Variants in CDH4 observed in about 807,000 individuals in gnomAD.
CDH4 encodes the protein cadherin-4.
Under a neutral mutation model 86.0 loss-of-function variants are expected in CDH4, and 33 were observed. That is an observed-to-expected ratio of 0.38 (90% CI 0.29 to 0.51). The LOEUF is 0.51. CDH4 is among the 20% of genes least tolerant of loss of function. The pLI, the probability that CDH4 is intolerant of heterozygous loss-of-function variation, is 0.86. For missense variants in CDH4, 1,114 were observed against 1,307.4 expected (o/e 0.85, Z 2.28); for synonymous variants, 555 against 549.4 (o/e 1.01, Z -0.14).
chr20:61,447,323 A>ATTTTTTTTTTTTTTTTTTTT (rs71331923), intron 2 of CDH4, among the ~76,000 whole-genome samples: 3 of 110,858 alleles, frequency 2.7e-5, no homozygotes, highest in Non-Finnish European at 1.8e-5. Context: ...CGCCCAGCTG[A>ATTTTTTTTTTTTTTTTTTTT]TTTTTTTTTT....
chr20:61,645,897 A>G (rs2245976), intron 2 of CDH4, among the ~76,000 whole-genome samples: 123,810 of 152,054 alleles, frequency 0.81, 50,419 homozygotes, highest in South Asian at 0.85. Context: ...GCCCCCTCTT[A>G]TAAGGTGGAG....
chr20:61,674,646 C>T (rs1280836488), intron 2 of CDH4, among the ~76,000 whole-genome samples: 1 of 152,232 alleles, frequency 6.6e-6, no homozygotes, highest in Non-Finnish European at 1.5e-5. Flanking sequence ...CTTGTTAATG[C>T]TATATTTTAT....
At chr20:61,430,202 C>T (rs559752043) in intron 2 of CDH4, among the ~76,000 whole-genome samples, 2 of 152,350 alleles carry the variant, frequency 1.3e-5, no homozygotes, top group African/African-American at 2.4e-5. Flanking sequence ...TAATGTTTCC[C>T]TTAACCCTCT....
intron 2 of CDH4, among the ~76,000 whole-genome samples, chr20:61,323,367 C>T (rs1231632957): frequency 6.6e-6 from 1 of 152,166 alleles, no homozygotes; most frequent in East Asian, 1.9e-4. Context: ...TTGGGAAAGT[C>T]TTCATCGAGT....
At chr20:61,692,940 G>A (rs1440083613) in intron 2 of CDH4, among the ~76,000 whole-genome samples, 1 of 151,972 alleles carries the variant, frequency 6.6e-6, no homozygotes. Flanking sequence ...AGCTAGTTGT[G>A]TGAGGAGGTT....
intron 2 of CDH4, among the ~76,000 whole-genome samples, chr20:61,566,576 G>T (rs1427128293): frequency 6.6e-6 from 1 of 152,114 alleles, no homozygotes; most frequent in Non-Finnish European, 1.5e-5. Flanking sequence ...AGGTCTCTGT[G>T]TCTGCAGCGC....
rs572961721 is a variant in CDH4 at position 61,288,144 on chromosome 20, G to A, written c.169+33207G>A. ...ATTCTCACGATTTTGTTTTTACCAAGTAGAACGCATTCCTCAGGAGAGGTC... is the reference window on the plus strand; with the variant it reads ...ATTCTCACGATTTTGTTTTTACCAAATAGAACGCATTCCTCAGGAGAGGTC... On this transcript the variant is annotated intron_variant, in intron 2 of 15. Transcript: ENST00000614565. Among the ~76,000 whole-genome samples, 10 of 152,166 alleles carry A rather than the reference G, an allele frequency of 6.6e-5. No individual in the cohort carries two copies. In the East Asian group the frequency reaches 1.9e-3, roughly 30 times the overall value.
At chr20:61,904,523 G>A (rs1357674559) in intron 8 of CDH4, among the ~76,000 whole-genome samples, 1 of 152,026 alleles carries the variant, frequency 6.6e-6, no homozygotes, top group Admixed American at 6.5e-5. Flanking sequence ...CTGGTCTCTC[G>A]GCATCTCGGC....
rs1358148517 is a variant in CDH4 at position 61,757,915 on chromosome 20, G to C, written c.396+14126G>C. Among the ~76,000 whole-genome samples the C allele has an allele frequency of 2.6e-5, 4 of 152,282 alleles. No homozygotes were observed. In the East Asian group the frequency reaches 7.7e-4, roughly 29 times the overall value. On this transcript the variant is annotated intron_variant, in intron 3 of 15. Coordinates refer to ENST00000614565, the MANE Select transcript of CDH4 (RefSeq NM_001794.5). The stretch of plus-strand genomic sequence containing the variant: ...GAGTCCCATGGGCTGGGAAGATCTG[G>C]AAGTCACTGTCTTTGTTCACTCCAG...
intron 2 of CDH4, among the ~76,000 whole-genome samples, chr20:61,727,240 A>G (rs920090035): frequency 2.6e-5 from 4 of 151,946 alleles, no homozygotes; most frequent in Middle Eastern, 3.2e-3. Flanking sequence ...TGAAGCCATC[A>G]CCATCAGTGC....
intron 12 of CDH4, among the ~76,000 whole-genome samples, chr20:61,928,850 G>A (rs986556265): frequency 8.5e-5 from 13 of 152,156 alleles, no homozygotes; most frequent in Non-Finnish European, 4.4e-5. Context: ...TACTTCCATC[G>A]GGAGAGTGCC....
intron 2 of CDH4, among the ~76,000 whole-genome samples, chr20:61,652,907 C>T (rs1038723095): frequency 2.2e-4 from 31 of 143,026 alleles, no homozygotes; most frequent in African/African-American, 7.7e-4. Context: ...CCAAAGGTTA[C>T]CAGTGTTTGA....
intron 3 of CDH4, among the ~76,000 whole-genome samples, chr20:61,749,033 C>A (rs375692068): frequency 8.2e-6 from 1 of 121,226 alleles, no homozygotes; most frequent in Non-Finnish European, 1.7e-5. Context: ...CAGTAAAATC[C>A]TAGAGAAATA....
chr20:61,763,549 G>A (rs1336411196), intron 3 of CDH4, among the ~76,000 whole-genome samples: 1 of 152,226 alleles, frequency 6.6e-6, no homozygotes, highest in Non-Finnish European at 1.5e-5. Flanking sequence ...AGGGTCTGGA[G>A]TGGGACCTGC....
At chr20:61,634,876 C>G (rs763027675) in intron 2 of CDH4, among the ~76,000 whole-genome samples, 4 of 152,208 alleles carry the variant, frequency 2.6e-5, no homozygotes, top group Non-Finnish European at 5.9e-5. Flanking sequence ...TTTGACTGCA[C>G]TATGCTCACA....
At chr20:61,818,523 A>C (rs1980850609) in intron 4 of CDH4, among the ~76,000 whole-genome samples, 2 of 151,920 alleles carry the variant, frequency 1.3e-5, no homozygotes, top group South Asian at 4.2e-4. Context: ...CAAAATGTAA[A>C]AGTTAGCTGG....
chr20:61,454,507 G>A (rs1243643348), intron 2 of CDH4, among the ~76,000 whole-genome samples: 2 of 152,074 alleles, frequency 1.3e-5, no homozygotes, highest in African/African-American at 4.8e-5. Context: ...GTGCAGTGGC[G>A]CGATCTCGGC....
In CDH4 at chr20:61,281,951, G is replaced by A. The variant is rs576588808; in HGVS notation, c.169+27014G>A. 8.5e-5 allele frequency among the ~76,000 whole-genome samples: 13 copies of A among 152,342 alleles called. No homozygotes were observed. The South Asian group carries it at 2.5e-3, about 29-fold the overall frequency. Reference sequence around the variant, plus strand: ...AAAATTCCAAACCGATGTGAAGGGAGTGGCCAGAGAACAGCAGCACACTGG... The same window carrying A: ...AAAATTCCAAACCGATGTGAAGGGAATGGCCAGAGAACAGCAGCACACTGG... On this transcript the variant is annotated intron_variant, in intron 2 of 15. Transcript: ENST00000614565.
chr20:61,465,962 C>T (rs2085469622), intron 2 of CDH4, among the ~76,000 whole-genome samples: 1 of 151,640 alleles, frequency 6.6e-6, no homozygotes, highest in Admixed American at 6.6e-5. Context: ...CACGGGTTCA[C>T]AAATCAAGAA....
Sources: gnomAD v4.1 joint callset for allele counts (sites outside exome capture counted in the v4.1 genomes callset) on GRCh38, gnomAD v4.1.1 for gene constraint, MANE v1.5 for transcripts, NCBI Gene and HGNC (gene_info 2026-07-23, HGNC 2026-07-21) for gene names.